MTERF3: variants seen among roughly 807,000 people sequenced by gnomAD.
MTERF3 encodes the protein mitochondrial transcription termination factor 3.
In MTERF3, 40 loss-of-function variants were observed where a neutral mutation model predicts 40.5. That is an observed-to-expected ratio of 0.99 (90% CI 0.77 to 1.29). MTERF3 has a LOEUF of 1.29. MTERF3 is among the 50% of genes most tolerant of loss of function. The pLI is 0.00. For missense variants in MTERF3, 452 were observed against 478.2 expected, an observed-to-expected ratio of 0.95 and a Z score of 0.51; for synonymous variants, 158 against 166.6, an observed-to-expected ratio of 0.95 and a Z score of 0.40.
chr8:96,253,943 G>C (rs1446400456), intron 3 of MTERF3, among the ~76,000 whole-genome samples: 1 of 152,144 alleles, frequency 6.6e-6, no homozygotes, highest in African/African-American at 2.4e-5. Context: ...AGGAGGTCAA[G>C]GCTGCAATGA....
intron 7 of MTERF3, among the ~76,000 whole-genome samples, chr8:96,242,080 G>T (rs1175032645): frequency 6.6e-6 from 1 of 152,114 alleles, no homozygotes; most frequent in East Asian, 1.9e-4. Context: ...ATCTACATGA[G>T]AAAATTAGTT....
chr8:96,246,196 C>A, intron 5 of MTERF3, 111 bp downstream of exon 5: 1 of 1,067,658 alleles, frequency 9.4e-7, no homozygotes, highest in Non-Finnish European at 1.3e-6. Context: ...ACAAAAAATA[C>A]CAGGAATTTA....
chr8:96,249,509 G>C (rs1393545666), intron 4 of MTERF3, among the ~76,000 whole-genome samples: 3 of 152,188 alleles, frequency 2.0e-5, no homozygotes, highest in Admixed American at 6.5e-5. Context: ...GACTGTTTTT[G>C]ATGTCTAAAG....
At chr8:96,254,754 T>A (rs561027649) in intron 3 of MTERF3, among the ~76,000 whole-genome samples, 47 of 152,352 alleles carry the variant, frequency 3.1e-4, no homozygotes, top group African/African-American at 9.6e-4. Flanking sequence ...TATATTTAGA[T>A]GTTTCTGAGG....
chr8:96,239,781 A>G (rs772756915), intron 7 of MTERF3, 96 bp from the exon 8 acceptor site: 4 of 817,388 alleles, frequency 4.9e-6, no homozygotes, highest in African/African-American at 3.4e-5. Flanking sequence ...GTTAACCAAT[A>G]CCAAGTACTG....
intron 4 of MTERF3, among the ~76,000 whole-genome samples, chr8:96,248,294 C>T (rs574924929): frequency 1.3e-5 from 2 of 152,318 alleles, no homozygotes; most frequent in Non-Finnish European, 2.9e-5. Flanking sequence ...TCACTACAGC[C>T]TTGTCCTAAC....
intron 1 of MTERF3, 109 bp from the exon 2 acceptor site, chr8:96,258,809 T>C (rs373187180): frequency 1.2e-6 from 1 of 831,926 alleles, no homozygotes; most frequent in Non-Finnish European, 1.8e-6. Context: ...TTTTTTCTAA[T>C]TGAAAGGTGT....
intron 4 of MTERF3, 67 bp downstream of exon 4, chr8:96,250,839 A>G (rs1371056614): frequency 7.6e-6 from 11 of 1,448,326 alleles, no homozygotes; most frequent in African/African-American, 1.5e-5. Context: ...TTTAAAGAAT[A>G]CCTTCCACAT....
intron 4 of MTERF3, 82 bp downstream of exon 4, chr8:96,250,824 A>C: frequency 3.8e-6 from 5 of 1,322,544 alleles, no homozygotes; most frequent in Non-Finnish European, 4.2e-6. Context: ...CTTGTGCAGC[A>C]GAGATTTAAA....
chr8:96,246,347 A>C lies in MTERF3; in HGVS notation c.785T>G (p.Leu262Trp), dbSNP rs1257042835. ...NFSVERLDNR[L>W]GFFQKELELS... is the part of the protein sequence containing the mutation. ...TTCAAGTTCTTTCTGAAAAAATCCCAATCTGTTATCCAGTCTTTCCACTGA... is the reference window on the plus strand; with the variant it reads ...TTCAAGTTCTTTCTGAAAAAATCCCCATCTGTTATCCAGTCTTTCCACTGA... The change falls in exon 5 of 8, where the codon TTG becomes TGG. Residue 262 changes from leucine to tryptophan, a missense_variant. Physicochemically the swap from Leu to Trp is moderately conservative, Grantham distance 61. Coordinates refer to ENST00000287025, the MANE Select transcript of MTERF3 (RefSeq NM_015942.5). 2 of 1,610,184 alleles carry C rather than the reference A, an allele frequency of 1.2e-6. No homozygotes were observed. The highest frequency in any genetic ancestry group is 1.3e-5 in the African/African-American group (1 of 74,752).
Position 96,257,002 on chromosome 8 carries a change from A to G in MTERF3, c.447T>C (p.Tyr149=), listed in dbSNP as rs780320122. The G allele has an allele frequency of 1.9e-6, 3 of 1,613,792 alleles. No homozygotes were observed. The highest frequency in any genetic ancestry group is 2.5e-6 in the Non-Finnish European group (3 of 1,179,812). The part of the protein sequence containing the change: ...LPPASFTLRD[Y]VDHSETLQKL... Reference sequence around the variant, plus strand: ...TCTGCAGAGTCTCAGAATGATCCACATAGTCTCGAAGTGTGAATGAAGCTG... The same window carrying G: ...TCTGCAGAGTCTCAGAATGATCCACGTAGTCTCGAAGTGTGAATGAAGCTG... Residue 149 remains tyrosine (Y), a synonymous_variant, in exon 3 of 8, where the codon TAT becomes TAC. Coordinates refer to ENST00000287025, the MANE Select transcript of MTERF3 (RefSeq NM_015942.5).
chr8:96,257,216 T>C (rs1291678875), intron 2 of MTERF3, 102 bp from the exon 3 acceptor site: 2 of 1,236,672 alleles, frequency 1.6e-6, no homozygotes, highest in African/African-American at 1.5e-5. Context: ...TGGTTAAATC[T>C]TGGGATCATT....
chr8:96,253,217 A>T (rs904858561), intron 3 of MTERF3, among the ~76,000 whole-genome samples: 7 of 152,196 alleles, frequency 4.6e-5, no homozygotes, highest in African/African-American at 1.4e-4. Flanking sequence ...CAGCGGTGTG[A>T]GCAGCCTTAA....
intron 3 of MTERF3, among the ~76,000 whole-genome samples, chr8:96,254,773 CT>C (rs1161100427): frequency 1.6e-4 from 25 of 152,284 alleles, no homozygotes; most frequent in Admixed American, 5.2e-4. Context: ...GGACTTGAAG[CT>C]TCTTGAGAAC....
chr8:96,239,686 C>T lies in MTERF3; in HGVS notation c.1060-1G>A, dbSNP rs1809885099. On this transcript the variant is annotated splice_acceptor_variant, in intron 7 of 7. Coordinates refer to ENST00000287025, the MANE Select transcript of MTERF3 (RefSeq NM_015942.5). LOFTEE classifies it high-confidence loss of function. ...CCTTAAACAGCCTTGTATTAAATAC[C>T]TAGAAAAGAAAAAAAAGTTTTTAAA... 2 of 1,567,086 alleles carry T rather than the reference C, an allele frequency of 1.3e-6. No individual in the cohort carries two copies. Among genetic ancestry groups the T allele is most frequent in the Non-Finnish European group, 1.7e-6 (2 of 1,165,284 alleles).
intron 3 of MTERF3, among the ~76,000 whole-genome samples, chr8:96,252,972 C>T (rs1052145690): frequency 1.3e-5 from 2 of 152,166 alleles, no homozygotes; most frequent in Non-Finnish European, 2.9e-5. Context: ...TGAATGCCCA[C>T]TATGGACCAG....
At chr8:96,241,369 C>T (rs1273876273) in intron 7 of MTERF3, among the ~76,000 whole-genome samples, 1 of 151,446 alleles carries the variant, frequency 6.6e-6, no homozygotes, top group African/African-American at 2.4e-5. Flanking sequence ...GAGATCACGC[C>T]ACTGCACTCC....
intron 3 of MTERF3, 82 bp downstream of exon 3, chr8:96,256,880 T>C (rs920105478): frequency 6.4e-5 from 84 of 1,311,322 alleles, no homozygotes; most frequent in Admixed American, 1.2e-4. Flanking sequence ...CTACTTAGTA[T>C]AGATTAAATT....
At chr8:96,245,953 T>C (rs771618330) in intron 5 of MTERF3, 22 bp from the exon 6 acceptor site, 5 of 1,605,466 alleles carry the variant, frequency 3.1e-6, no homozygotes, top group Non-Finnish European at 4.3e-6. Flanking sequence ...AACAAAACAA[T>C]CTAGTATTAC....
Sources: gnomAD v4.1 joint callset for allele counts (sites outside exome capture counted in the v4.1 genomes callset) on GRCh38, gnomAD v4.1.1 for gene constraint, MANE v1.5 for transcripts, NCBI Gene and HGNC (gene_info 2026-07-23, HGNC 2026-07-21) for gene names.